DSCAM: variants seen among roughly 807,000 people sequenced by gnomAD.
DSCAM encodes the protein cell adhesion molecule DSCAM.
In DSCAM, 47 loss-of-function variants were observed where a neutral mutation model predicts 217.7. The observed-to-expected ratio is 0.22, with a 90% CI of 0.17 to 0.28. The LOEUF (loss-of-function observed/expected upper bound fraction) is 0.28, where lower values mean the gene tolerates loss of function less well. DSCAM is among the 10% of genes least tolerant of loss of function. DSCAM has a pLI of 1.00. For synonymous variants in DSCAM, 1,056 were observed against 1,015.3 expected, an observed-to-expected ratio of 1.04 and a Z score of -0.76; for missense variants, 2,080 against 2,618.3, an observed-to-expected ratio of 0.79 and a Z score of 4.49.
chr21:40,417,963 T>C (rs868643320), intron 3 of DSCAM, among the ~76,000 whole-genome samples: 1 of 152,126 alleles, frequency 6.6e-6, no homozygotes, highest in Non-Finnish European at 1.5e-5. Flanking sequence ...TCAGTAACTT[T>C]AAGGCAGCCT....
rs1165626405 is a variant in DSCAM at position 40,846,782 on chromosome 21, G to GC, written c.-122dup. The GC allele has an allele frequency of 5.2e-5, 12 of 229,568 alleles. No homozygotes were observed. Among genetic ancestry groups the GC allele is most frequent in the African/African-American group, 2.8e-4 (12 of 42,212 alleles). 14.2% of individuals were successfully genotyped at this position (229,568 alleles called of 1,614,324 possible). Reference sequence around the variant, plus strand: ...GGGGGCCGCCGCCCGCCCGCCGCCCGCCGCCGCCGCCGCCGCTGCCTAGCC... The same window carrying GC: ...GGGGGCCGCCGCCCGCCCGCCGCCCGCCCGCCGCCGCCGCCGCTGCCTAGCC... On this transcript the variant is annotated 5_prime_UTR_variant, in exon 1 of 33. Coordinates refer to ENST00000400454, the MANE Select transcript of DSCAM (RefSeq NM_001389.5).
chr21:40,487,324 TGTGAGAGAGAGA>T (rs1415288768), intron 3 of DSCAM, among the ~76,000 whole-genome samples: 7 of 76,114 alleles, frequency 9.2e-5, no homozygotes, highest in African/African-American at 3.7e-4. Context: ...TGTGTGTGTG[TGTGAGAGAGAGA>T]GAGAGAGAGA....
At chr21:40,203,658 A>C (rs543657466) in intron 11 of DSCAM, among the ~76,000 whole-genome samples, 13 of 152,388 alleles carry the variant, frequency 8.5e-5, no homozygotes, top group African/African-American at 2.9e-4. Flanking sequence ...CCACCTCAAT[A>C]GAGAGAAGCA....
chr21:40,753,708 C>G (rs2091249761), intron 1 of DSCAM, among the ~76,000 whole-genome samples: 1 of 152,198 alleles, frequency 6.6e-6, no homozygotes, highest in South Asian at 2.1e-4. Context: ...ATCTCCCTTT[C>G]CTATTGTAGA....
At chr21:40,354,867 AAAAAAAG>A (rs1484095502) in intron 4 of DSCAM, among the ~76,000 whole-genome samples, 4 of 151,236 alleles carry the variant, frequency 2.6e-5, no homozygotes, top group Non-Finnish European at 5.9e-5. Flanking sequence ...AAAAAAAAAA[AAAAAAAG>A]AGCAACATAA....
rs559455170 is a variant in DSCAM, at chr21:40,070,424, A to G, written c.4888+4613T>C. Among the ~76,000 whole-genome samples the G allele has an allele frequency of 3.9e-5, 6 of 152,088 alleles. No homozygotes were observed. The South Asian group carries it at 1.0e-3, about 26-fold the overall frequency. ...AGAAAAGAAAAGAAAAGAAAAAGAA[A>G]GAGAAAGAAAGACAAAGAGAAAGAA... On this transcript the variant is annotated intron_variant, in intron 27 of 32. Transcript: ENST00000400454.
In DSCAM at chr21:40,016,977, G is replaced by T. The variant is rs111832349; in HGVS notation, c.5687-3591C>A. ...CTGAAAATAGAAAAATCAGCTGGAC[G>T]TGGTGGTACACGCCTGTAATCCCAG... On this transcript the variant is annotated intron_variant, in intron 32 of 32. Coordinates refer to ENST00000400454, the MANE Select transcript of DSCAM (RefSeq NM_001389.5). This position sits in a 1 kb window ranked among gnomAD's most constrained non-coding sequence, Gnocchi z 4.3. 6.6e-6 allele frequency among the ~76,000 whole-genome samples: 1 copy of T among 151,988 alleles called. No individual in the cohort carries two copies. Among genetic ancestry groups the T allele is most frequent in the African/African-American group, 2.4e-5 (1 of 41,356 alleles).
chr21:40,754,994 A>C (rs1601216882), intron 1 of DSCAM, among the ~76,000 whole-genome samples: 1 of 152,228 alleles, frequency 6.6e-6, no homozygotes, highest in Non-Finnish European at 1.5e-5. Context: ...GCATTAAGGC[A>C]GAACAAAGCT....
chr21:40,215,816 T>C (rs2091237654), intron 11 of DSCAM, among the ~76,000 whole-genome samples: 1 of 151,972 alleles, frequency 6.6e-6, no homozygotes, highest in East Asian at 1.9e-4. Context: ...ATTAACTAAT[T>C]AATTTAAAAA....
chr21:40,291,809 C>A (rs1320130022), intron 10 of DSCAM, among the ~76,000 whole-genome samples: 1 of 152,214 alleles, frequency 6.6e-6, no homozygotes, highest in Non-Finnish European at 1.5e-5. Context: ...GACATTCCCA[C>A]AACCAAGTTT....
chr21:40,768,944 G>A (rs1436475511), intron 1 of DSCAM, among the ~76,000 whole-genome samples: 4 of 152,234 alleles, frequency 2.6e-5, no homozygotes, highest in Admixed American at 1.3e-4. Context: ...ATTCACCCAA[G>A]AGGGGAGATT....
At chr21:40,523,395 GAA>G (rs553666146) in intron 3 of DSCAM, among the ~76,000 whole-genome samples, 11 of 152,128 alleles carry the variant, frequency 7.2e-5, no homozygotes, top group Non-Finnish European at 1.0e-4. Flanking sequence ...CACATCAGTG[GAA>G]AAAGACACAA....
intron 3 of DSCAM, among the ~76,000 whole-genome samples, chr21:40,679,652 T>C (rs1352941790): frequency 6.6e-6 from 1 of 152,248 alleles, no homozygotes; most frequent in Non-Finnish European, 1.5e-5. Flanking sequence ...TTAGCTGTGA[T>C]GGTTAAGGCA....
intron 10 of DSCAM, among the ~76,000 whole-genome samples, chr21:40,288,010 A>G (rs552203496): frequency 2.6e-5 from 4 of 152,306 alleles, no homozygotes; most frequent in African/African-American, 9.6e-5. Flanking sequence ...GTCACACACC[A>G]TTGCAGCCCT....
intron 11 of DSCAM, among the ~76,000 whole-genome samples, chr21:40,247,741 T>C (rs1319054152): frequency 6.6e-6 from 1 of 152,242 alleles, no homozygotes; most frequent in Non-Finnish European, 1.5e-5. Context: ...TTCTGGGGTC[T>C]GGAGGACAGT....
At chr21:40,485,332 TC>T (rs1190391506) in intron 3 of DSCAM, among the ~76,000 whole-genome samples, 4 of 143,184 alleles carry the variant, frequency 2.8e-5, no homozygotes, top group Admixed American at 1.5e-4. Context: ...AAGCTCCGCC[TC>T]CCAGGTTCAC....
chr21:40,513,844 A>G (rs1244031849), intron 3 of DSCAM, among the ~76,000 whole-genome samples: 1 of 152,184 alleles, frequency 6.6e-6, no homozygotes, highest in African/African-American at 2.4e-5. Flanking sequence ...TTAAAAATAA[A>G]AAAACTGTAT....
intron 3 of DSCAM, among the ~76,000 whole-genome samples, chr21:40,572,423 C>CAATT (rs1473721922): frequency 6.6e-6 from 1 of 151,922 alleles, no homozygotes; most frequent in East Asian, 1.9e-4. Context: ...TACTTAAATA[C>CAATT]AATTGTATTG....
intron 32 of DSCAM, among the ~76,000 whole-genome samples, chr21:40,015,233 G>A (rs1173138755): frequency 2.6e-5 from 4 of 152,016 alleles, no homozygotes; most frequent in African/African-American, 9.7e-5. Flanking sequence ...AATTCTGAAG[G>A]CCACAGTCTA....
Sources: gnomAD v4.1 joint callset for allele counts (sites outside exome capture counted in the v4.1 genomes callset) on GRCh38, gnomAD v4.1.1 for gene constraint, Gnocchi (gnomAD v3.1) non-coding constraint, MANE v1.5 for transcripts, NCBI Gene and HGNC (gene_info 2026-07-23, HGNC 2026-07-21) for gene names.